Variants in GCA observed in about 807,000 individuals in gnomAD.
The protein encoded by GCA is grancalcin, EF-hand calcium-binding protein.
GCA carries 30 observed loss-of-function variants against 32.6 expected under a neutral mutation model. The ratio of observed to expected loss-of-function variants is 0.92; its 90% confidence interval spans 0.69 to 1.25. The LOEUF is 1.25. GCA is among the 50% of genes most tolerant of loss of function. The pLI, the probability that GCA is intolerant of heterozygous loss-of-function variation, is 0.00. For missense variants in GCA, 291 were observed against 266.8 expected (o/e 1.09, Z -0.63); for synonymous variants, 102 against 84.6 (o/e 1.21, Z -1.13).
intron 2 of GCA, among the ~76,000 whole-genome samples, chr2:162,351,654 T>C (rs1011494696): frequency 2.0e-5 from 3 of 152,194 alleles, no homozygotes; most frequent in African/African-American, 4.8e-5. Flanking sequence ...TCCTTGATCC[T>C]TCATCATAGC....
At chr2:162,318,807 C>T (rs1683569357), upstream of GCA, 1 of 168,090 alleles carries the variant, frequency 5.9e-6, no homozygotes, top group Admixed American at 6.1e-5. Flanking sequence ...GAGAGGAGGC[C>T]TTTGGTTAAG....
At chr2:162,364,946 T>C (rs577928173), downstream of GCA, among the ~76,000 whole-genome samples, 123 of 151,688 alleles carry the variant, frequency 8.1e-4, no homozygotes, top group Non-Finnish European at 1.4e-3. Flanking sequence ...TGAAATATTA[T>C]GCTTCTTTAA....
intron 1 of GCA, among the ~76,000 whole-genome samples, chr2:162,325,323 T>A (rs1253045523): frequency 1.3e-5 from 2 of 152,162 alleles, no homozygotes; most frequent in South Asian, 4.1e-4. Flanking sequence ...TGGGCTTCCC[T>A]GTCTCTATTA....
intron 1 of GCA, among the ~76,000 whole-genome samples, chr2:162,332,465 A>T (rs2105276836): frequency 6.6e-6 from 1 of 151,312 alleles, no homozygotes; most frequent in Non-Finnish European, 1.5e-5. Context: ...ATTTGGAAGA[A>T]TCAAATTACA....
At chr2:162,340,216 C>T (rs1684396207), upstream of GCA, among the ~76,000 whole-genome samples, 1 of 152,146 alleles carries the variant, frequency 6.6e-6, no homozygotes, top group African/African-American at 2.4e-5. Flanking sequence ...GGCACCCTCA[C>T]CAGAAGCTGT....
chr2:162,351,847 CAGT>C, intron 2 of GCA, among the ~76,000 whole-genome samples: 1 of 152,118 alleles, frequency 6.6e-6, no homozygotes, highest in African/African-American at 2.4e-5. Flanking sequence ...CTTGTTTGGG[CAGT>C]AATCAGAAGA....
chr2:162,353,932 C>G (rs192801420), intron 3 of GCA, among the ~76,000 whole-genome samples: 53 of 151,982 alleles, frequency 3.5e-4, no homozygotes, highest in African/African-American at 1.3e-3. Context: ...GAATTTTCCT[C>G]AACTTTATTT....
At chr2:162,343,943 T>G, upstream of GCA, 2 of 386,832 alleles carry the variant, frequency 5.2e-6, no homozygotes, top group African/African-American at 2.0e-5. Flanking sequence ...CCAGTAAGAG[T>G]CGAGCAGGGA....
At chr2:162,332,475 A>G (rs1166442541) in intron 1 of GCA, among the ~76,000 whole-genome samples, 2 of 151,428 alleles carry the variant, frequency 1.3e-5, no homozygotes, top group Non-Finnish European at 2.9e-5. Flanking sequence ...ATCAAATTAC[A>G]TATGAATTCA....
At chr2:162,365,880 C>T (rs185256824), downstream of GCA, among the ~76,000 whole-genome samples, 3 of 151,550 alleles carry the variant, frequency 2.0e-5, no homozygotes, top group East Asian at 1.9e-4. Context: ...GAGGAGACTA[C>T]GTGAGGGAGT....
Position 162,327,848 on chromosome 2 carries a change from G to C in GCA, c.-31+8623G>C, listed in dbSNP as rs974293795. On this transcript the variant is annotated intron_variant, in intron 1 of 4. Coordinates refer to the GCA transcript ENST00000429691. ...AACACTTAACATTATAAAGAGATTA[G>C]AGCCATTTCAAACTGCGCGAGAGAA... Among the ~76,000 whole-genome samples the C allele has an allele frequency of 2.6e-5, 4 of 152,316 alleles. No individual in the cohort carries two copies. In the South Asian group the frequency reaches 6.2e-4, roughly 24 times the overall value.
chr2:162,361,693 TG>T lies in GCA; in HGVS notation c.*1451del. 1 of 983,680 alleles carries T rather than the reference TG, an allele frequency of 1.0e-6. No individual in the cohort carries two copies. The highest frequency in any genetic ancestry group is 1.2e-6 in the Non-Finnish European group (1 of 828,522). The allele number at this position is 983,680 out of a possible 1,614,324, so 60.9% of individuals were successfully genotyped here. A position where few individuals can be genotyped will look rare whatever the true frequency, so the allele number is the denominator to read the frequency against. On this transcript the variant is annotated 3_prime_UTR_variant, in exon 8 of 8. Coordinates refer to ENST00000437150, the MANE Select transcript of GCA (RefSeq NM_012198.5). Reference sequence around the variant, plus strand: ...ACTTGGTCAGTTTTATAAAAATGTGTGAATAGGTAATACACATAATTTTGTT... The same window carrying T: ...ACTTGGTCAGTTTTATAAAAATGTGTAATAGGTAATACACATAATTTTGTT...
chr2:162,352,173 A>G (rs1376353712), intron 2 of GCA, among the ~76,000 whole-genome samples, 165 bp from the exon 3 acceptor site: 2 of 152,200 alleles, frequency 1.3e-5, no homozygotes, highest in Admixed American at 6.5e-5. Flanking sequence ...GATATTTTGT[A>G]ATATGCCTTT....
At chr2:162,318,861 C>T, upstream of GCA, 1 of 195,468 alleles carries the variant, frequency 5.1e-6, no homozygotes, top group Non-Finnish European at 1.1e-5. Context: ...CTCTCTGACA[C>T]CAAGACCAAC....
At chr2:162,345,611 G>T (rs1684663118) in intron 1 of GCA, among the ~76,000 whole-genome samples, 1 of 152,122 alleles carries the variant, frequency 6.6e-6, no homozygotes, top group Non-Finnish European at 1.5e-5. Context: ...TATGTGTTTT[G>T]AATATTTAAA....
Position 162,362,619 on chromosome 2 carries a change from A to T in GCA, c.*2376A>T. The T allele has an allele frequency of 2.2e-6, 2 of 890,762 alleles. No individual in the cohort carries two copies. Among genetic ancestry groups the T allele is most frequent in the Non-Finnish European group, 2.7e-6 (2 of 743,890 alleles). The allele number at this position is 890,762 out of a possible 1,614,324, so 55.2% of individuals were successfully genotyped here. A position where few individuals can be genotyped will look rare whatever the true frequency, so the allele number is the denominator to read the frequency against. ...CATTTTGAGAATTTTTTTAATAAAC[A>T]TTCAAATAGCTTGCTGTAAAGTTTT... On this transcript the variant is annotated 3_prime_UTR_variant, in exon 8 of 8. Transcript: ENST00000437150.
downstream of GCA, among the ~76,000 whole-genome samples, chr2:162,374,576 A>G (rs923391341): frequency 6.6e-6 from 1 of 152,182 alleles, no homozygotes; most frequent in Non-Finnish European, 1.5e-5. Context: ...AAAAATGGAA[A>G]TAAAACAAAA....
downstream of GCA, among the ~76,000 whole-genome samples, chr2:162,363,372 T>C (rs1405127862): frequency 6.6e-6 from 1 of 151,374 alleles, no homozygotes; most frequent in Non-Finnish European, 1.5e-5. Flanking sequence ...AATTCAATCA[T>C]TTACATAGTG....
downstream of GCA, among the ~76,000 whole-genome samples, chr2:162,363,233 T>A (rs1685650815): frequency 6.6e-6 from 1 of 151,446 alleles, no homozygotes; most frequent in South Asian, 2.1e-4. Flanking sequence ...ATCTGGTGAA[T>A]TAAATCTGAT....
Sources: allele counts gnomAD v4.1 joint callset (sites outside exome capture counted in the v4.1 genomes callset), GRCh38; gene constraint gnomAD v4.1.1; transcripts MANE v1.5; gene names NCBI Gene and HGNC (gene_info 2026-07-23, HGNC 2026-07-21).